Variants in FNDC3A observed in about 807,000 individuals in gnomAD.
FNDC3A encodes fibronectin type-III domain-containing protein 3A.
A neutral mutation model predicts 148.9 loss-of-function variants in FNDC3A; 32 were observed. The observed-to-expected ratio is 0.21, with a 90% CI of 0.16 to 0.29. FNDC3A has a LOEUF of 0.29. Among genes scored for constraint, FNDC3A ranks in the 10% least tolerant of loss-of-function variants. FNDC3A has a pLI of 1.00. For missense variants in FNDC3A, 1,191 were observed against 1,452.8 expected (o/e 0.82, Z 2.93); for synonymous variants, 472 against 473.6 (o/e 1.00, Z 0.04).
chr13:48,978,059 T>C (rs1951634365), intron 1 of FNDC3A, among the ~76,000 whole-genome samples: 1 of 152,158 alleles, frequency 6.6e-6, no homozygotes, highest in African/African-American at 2.4e-5. Flanking sequence ...TTATCCCAAA[T>C]TAATAATAAG....
intron 8 of FNDC3A, among the ~76,000 whole-genome samples, chr13:49,149,443 A>G (rs566421411): frequency 6.6e-6 from 1 of 152,276 alleles, no homozygotes; most frequent in Non-Finnish European, 1.5e-5. Context: ...CTCTACATCT[A>G]TTGAGATGAT....
intron 2 of FNDC3A, among the ~76,000 whole-genome samples, chr13:49,073,764 A>G (rs1401577271): frequency 2.1e-5 from 3 of 145,230 alleles, no homozygotes; most frequent in Admixed American, 7.0e-5. Context: ...TATAATATAT[A>G]TGTATATAAT....
chr13:49,082,027 A>G (rs915035080), intron 3 of FNDC3A, among the ~76,000 whole-genome samples: 10 of 151,680 alleles, frequency 6.6e-5, no homozygotes, highest in African/African-American at 2.4e-4. Flanking sequence ...AGTGTCAGAA[A>G]GTTGCTAACG....
At chr13:49,004,428 A>G (rs918734839) in intron 1 of FNDC3A, among the ~76,000 whole-genome samples, 1 of 152,088 alleles carries the variant, frequency 6.6e-6, no homozygotes, top group East Asian at 1.9e-4. Context: ...AAAATTAAAG[A>G]TAATACCTTA....
intron 1 of FNDC3A, among the ~76,000 whole-genome samples, chr13:48,986,253 A>T (rs1220795064): frequency 6.6e-6 from 1 of 152,088 alleles, no homozygotes; most frequent in Non-Finnish European, 1.5e-5. Flanking sequence ...TAGTTTTTTT[A>T]AAGTCCCATA....
At chr13:49,013,336 TAATG>T (rs1179365459) in intron 2 of FNDC3A, among the ~76,000 whole-genome samples, 1 of 151,166 alleles carries the variant, frequency 6.6e-6, no homozygotes, top group Admixed American at 6.6e-5. Context: ...ATTTCTAAGA[TAATG>T]ATATATTTTT....
chr13:49,077,004 G>T (rs1038132856), intron 3 of FNDC3A, among the ~76,000 whole-genome samples: 11 of 152,182 alleles, frequency 7.2e-5, no homozygotes, highest in Admixed American at 2.6e-4. Context: ...GAAGACAAGT[G>T]CAGTGGGTCA....
intron 3 of FNDC3A, among the ~76,000 whole-genome samples, chr13:49,092,363 A>G (rs146980045): frequency 0.012 from 1,890 of 152,310 alleles, 26 homozygotes; most frequent in African/African-American, 0.034. Flanking sequence ...GAGGGGCCAA[A>G]TGCAGCAACT....
At chr13:49,031,805 T>C (rs1257636305) in intron 2 of FNDC3A, among the ~76,000 whole-genome samples, 11 of 152,154 alleles carry the variant, frequency 7.2e-5, no homozygotes. Context: ...TTGAATAATT[T>C]TGTGTTGTAA....
At chr13:49,143,972 C>A (rs933777900) in intron 7 of FNDC3A, among the ~76,000 whole-genome samples, 1 of 137,202 alleles carries the variant, frequency 7.3e-6, no homozygotes, top group African/African-American at 2.7e-5. Flanking sequence ...TAGCAAGACC[C>A]CATCTTTACT....
At chr13:49,035,459 G>GT (rs1874426833) in intron 2 of FNDC3A, among the ~76,000 whole-genome samples, 1 of 151,980 alleles carries the variant, frequency 6.6e-6, no homozygotes. Context: ...TTGTAGAAAA[G>GT]TCACTACAGT....
intron 7 of FNDC3A, among the ~76,000 whole-genome samples, chr13:49,141,837 TAGAC>T (rs1323036206): frequency 1.3e-5 from 2 of 152,196 alleles, no homozygotes; most frequent in South Asian, 2.1e-4. Flanking sequence ...TATCAGTTCT[TAGAC>T]AGATTTTTAC....
At chr13:49,070,540 CT>C (rs1326372953) in intron 2 of FNDC3A, among the ~76,000 whole-genome samples, 5 of 152,116 alleles carry the variant, frequency 3.3e-5, no homozygotes, top group African/African-American at 9.7e-5. Flanking sequence ...ATTGGGATAT[CT>C]GTCATCTCAA....
chr13:49,013,767 T>G (rs1952425836), intron 2 of FNDC3A, among the ~76,000 whole-genome samples: 1 of 104,474 alleles, frequency 9.6e-6, no homozygotes. Context: ...CCCACAACAG[T>G]CCCCAGAGTG....
intron 3 of FNDC3A, among the ~76,000 whole-genome samples, chr13:49,103,881 GA>G (rs1411274074): frequency 9.2e-5 from 14 of 152,148 alleles, no homozygotes; most frequent in African/African-American, 3.4e-4. Context: ...TAGAGCTCAA[GA>G]AAAAGTCTGG....
At chr13:49,102,467 C>T (rs1039722055) in intron 3 of FNDC3A, among the ~76,000 whole-genome samples, 15 of 152,152 alleles carry the variant, frequency 9.9e-5, no homozygotes, top group Admixed American at 6.5e-4. Context: ...AATGTCAGTG[C>T]TTTTTGTGTG....
intron 1 of FNDC3A, among the ~76,000 whole-genome samples, chr13:48,977,874 A>T (rs558202457): frequency 1.3e-5 from 2 of 152,034 alleles, no homozygotes; most frequent in Non-Finnish European, 2.9e-5. Flanking sequence ...TTAGTTTTCT[A>T]TGTGTAGGTT....
chr13:49,020,028 A>G (rs542027245), intron 2 of FNDC3A, among the ~76,000 whole-genome samples: 2 of 152,344 alleles, frequency 1.3e-5, no homozygotes, highest in Admixed American at 1.3e-4. Flanking sequence ...TTGGAAGTAC[A>G]TTTTTATAAT....
At chr13:49,189,371 C>T (rs940870159) in intron 17 of FNDC3A, among the ~76,000 whole-genome samples, 10 of 152,030 alleles carry the variant, frequency 6.6e-5, no homozygotes, top group Admixed American at 2.6e-4. Context: ...TTAGTAGAGA[C>T]GGGGTTTTAC....
Sources: allele counts gnomAD v4.1 joint callset (sites outside exome capture counted in the v4.1 genomes callset), GRCh38; gene constraint gnomAD v4.1.1; transcripts MANE v1.5; gene names NCBI Gene and HGNC (gene_info 2026-07-23, HGNC 2026-07-21).